Variants in NDST3 observed in about 807,000 individuals in gnomAD.
The protein encoded by NDST3 is N-deacetylase and N-sulfotransferase 3.
Under a neutral mutation model 96.1 loss-of-function variants are expected in NDST3, and 58 were observed. That is an observed-to-expected ratio of 0.60 (90% CI 0.49 to 0.75). The LOEUF is 0.75. NDST3 is among the 30% of genes least tolerant of loss of function. The pLI is 0.00. For missense variants in NDST3, 788 were observed against 1,034.2 expected, an observed-to-expected ratio of 0.76 and a Z score of 3.27; for synonymous variants, 333 against 359.7, an observed-to-expected ratio of 0.93 and a Z score of 0.84.
intron 2 of NDST3, among the ~76,000 whole-genome samples, chr4:118,058,632 TGTGCGCGCGCGC>T (rs1278192679): frequency 0.26 from 4,802 of 18,660 alleles, 103 homozygotes; most frequent in South Asian, 0.46. Flanking sequence ...TGTGTGTGTG[TGTGCGCGCGCGC>T]GCACGCATGC....
chr4:118,194,656 T>G, intron 6 of NDST3: 1 of 669,594 alleles, frequency 1.5e-6, no homozygotes, highest in Non-Finnish European at 2.8e-6. Context: ...ACCTTCAGCA[T>G]GCCTTCCTCC....
intron 2 of NDST3, among the ~76,000 whole-genome samples, chr4:118,066,202 T>TATATATATTATATATA (rs1560617800): frequency 1.7e-5 from 1 of 57,260 alleles, no homozygotes; most frequent in African/African-American, 6.8e-5. Context: ...TATATTATAT[T>TATATATATTATATATA]TTATATATTA....
chr4:118,239,534 C>G (rs568634730), intron 10 of NDST3, among the ~76,000 whole-genome samples: 5 of 152,144 alleles, frequency 3.3e-5, no homozygotes, highest in East Asian at 1.9e-4. Context: ...CCTTTTCCAC[C>G]AAGTATCTGG....
chr4:118,137,176 G>T (rs1324370699), intron 4 of NDST3, among the ~76,000 whole-genome samples: 1 of 152,072 alleles, frequency 6.6e-6, no homozygotes, highest in South Asian at 2.1e-4. Context: ...TAATTTAAAA[G>T]AACCTATTTG....
At chr4:118,222,494 G>A (rs1165348703) in intron 6 of NDST3, among the ~76,000 whole-genome samples, 1 of 151,974 alleles carries the variant, frequency 6.6e-6, no homozygotes, top group Non-Finnish European at 1.5e-5. Context: ...TCTCAGGCTT[G>A]AGTACAGAGT....
At chr4:118,177,505 C>A (rs942155396) in intron 6 of NDST3, among the ~76,000 whole-genome samples, 1 of 151,856 alleles carries the variant, frequency 6.6e-6, no homozygotes, top group Non-Finnish European at 1.5e-5. Context: ...AATTTGAATA[C>A]CCTCAATCAA....
chr4:118,148,841 AAAATAAAT>A (rs1734156643), intron 6 of NDST3, among the ~76,000 whole-genome samples: 1 of 152,214 alleles, frequency 6.6e-6, no homozygotes, highest in African/African-American at 2.4e-5. Context: ...CCTTCGCTGA[AAAATAAAT>A]AAATGATAAT....
Position 118,035,441 on chromosome 4 carries a change from T to G in NDST3, c.-156+849T>G, listed in dbSNP as rs953145676. Reference sequence around the variant, plus strand: ...TCTGGGACACACACTTTTTTTTTGTTTTTTTTTTTTGCCCTTAGAAAATTT... The same window carrying G: ...TCTGGGACACACACTTTTTTTTTGTGTTTTTTTTTTGCCCTTAGAAAATTT... On this transcript the variant is annotated intron_variant, in intron 1 of 13. Coordinates refer to ENST00000296499, the MANE Select transcript of NDST3 (RefSeq NM_004784.3). Among the ~76,000 whole-genome samples the G allele has an allele frequency of 2.5e-3, 75 of 29,886 alleles. 1 individual carries two copies. Among genetic ancestry groups the G allele is most frequent in the South Asian group, 0.017 (4 of 240 alleles). 19.6% of individuals were successfully genotyped at this position (29,886 alleles called of 152,430 possible). A position where few individuals can be genotyped will look rare whatever the true frequency, so the allele number is the denominator to read the frequency against.
intron 4 of NDST3, among the ~76,000 whole-genome samples, chr4:118,136,550 T>C (rs912069740): frequency 6.6e-6 from 1 of 152,188 alleles, no homozygotes; most frequent in Non-Finnish European, 1.5e-5. Flanking sequence ...GTTCTAAATA[T>C]GATGGTTATG....
At chr4:118,100,505 C>G (rs1027991092) in intron 2 of NDST3, among the ~76,000 whole-genome samples, 3 of 152,060 alleles carry the variant, frequency 2.0e-5, no homozygotes, top group Non-Finnish European at 4.4e-5. Flanking sequence ...AATAATATAG[C>G]TGACTATTCA....
intron 6 of NDST3, among the ~76,000 whole-genome samples, chr4:118,149,860 T>C (rs1734253386): frequency 6.6e-6 from 1 of 152,208 alleles, no homozygotes; most frequent in South Asian, 2.1e-4. Context: ...GCTTCCAGTT[T>C]TTGCCCATTC....
At chr4:118,207,701 T>C (rs1027200371) in intron 6 of NDST3, among the ~76,000 whole-genome samples, 1 of 145,160 alleles carries the variant, frequency 6.9e-6, no homozygotes, top group African/African-American at 2.5e-5. Flanking sequence ...GTGAATTTTC[T>C]TATTCAGCAG....
At chr4:118,097,972 C>T (rs2080779134) in intron 2 of NDST3, among the ~76,000 whole-genome samples, 1 of 151,922 alleles carries the variant, frequency 6.6e-6, no homozygotes, top group South Asian at 2.1e-4. Flanking sequence ...CAGCTTTAAT[C>T]TCACATTTTG....
chr4:118,123,545 TAC>T (rs144272181), intron 4 of NDST3, among the ~76,000 whole-genome samples: 1 of 152,292 alleles, frequency 6.6e-6, no homozygotes, highest in African/African-American at 2.4e-5. Flanking sequence ...TAAGGCTTCA[TAC>T]ATTCATTTTT....
intron 4 of NDST3, among the ~76,000 whole-genome samples, chr4:118,120,569 G>T (rs1420119621): frequency 6.6e-6 from 1 of 152,146 alleles, no homozygotes; most frequent in Non-Finnish European, 1.5e-5. Flanking sequence ...GCTCTGAATT[G>T]CTTGATTTAC....
At chr4:118,244,415 A>C (rs541962098) in intron 12 of NDST3, among the ~76,000 whole-genome samples, 2 of 152,328 alleles carry the variant, frequency 1.3e-5, no homozygotes, top group South Asian at 4.1e-4. Context: ...TACTTTGTAC[A>C]CTTTGGTATT....
chr4:118,247,312 G>A (rs1362424823), intron 12 of NDST3, among the ~76,000 whole-genome samples: 1 of 152,112 alleles, frequency 6.6e-6, no homozygotes, highest in Admixed American at 6.5e-5. Flanking sequence ...AGCACTTTGG[G>A]AGGCCGAGGC....
At chr4:118,042,229 AT>A (rs1300995944) in intron 1 of NDST3, among the ~76,000 whole-genome samples, 16 of 152,150 alleles carry the variant, frequency 1.1e-4, no homozygotes, top group Admixed American at 1.0e-3. Flanking sequence ...TTATACTGGC[AT>A]CTTTATCTTC....
chr4:118,091,485 C>T (rs989076377), intron 2 of NDST3, among the ~76,000 whole-genome samples: 1 of 151,698 alleles, frequency 6.6e-6, no homozygotes, highest in Non-Finnish European at 1.5e-5. Flanking sequence ...AGAGAAGCTT[C>T]CCTGCAACAG....
Sources: allele counts gnomAD v4.1 joint callset (sites outside exome capture counted in the v4.1 genomes callset), GRCh38; gene constraint gnomAD v4.1.1; transcripts MANE v1.5; gene names NCBI Gene and HGNC (gene_info 2026-07-23, HGNC 2026-07-21).